ASB18: variants seen among roughly 807,000 people sequenced by gnomAD.
ASB18 encodes the protein ankyrin repeat and SOCS box protein 18.
Under a neutral mutation model 33.4 loss-of-function variants are expected in ASB18, and 33 were observed. The observed-to-expected ratio is 0.99, with a 90% CI of 0.75 to 1.32. ASB18 has a LOEUF of 1.32. Ranked by LOEUF, ASB18 falls within the 40% of genes most tolerant of loss-of-function variation. ASB18 has a pLI of 0.00. For synonymous variants in ASB18, 295 were observed against 307.6 expected (o/e 0.96, Z 0.43); for missense variants, 694 against 655.5 (o/e 1.06, Z -0.64).
rs1238885608 is a variant in ASB18, at chr2:236,194,179, T to C, written c.*693A>G. On this transcript the variant is annotated 3_prime_UTR_variant, in exon 6 of 6. Coordinates refer to ENST00000409749, the MANE Select transcript of ASB18 (RefSeq NM_212556.4). The surrounding 1 kb of genome is among the most constrained non-coding windows in gnomAD (Gnocchi z 4.5). The stretch of plus-strand genomic sequence containing the variant: ...ATAAATGATGCGGTATGAGAGGGCC[T>C]AGCAAGCCTGCCACATTGGTGACTG... Among the ~76,000 whole-genome samples the C allele has an allele frequency of 6.6e-6, 1 of 152,220 alleles. No homozygotes were observed.
At chr2:236,230,328 A>G (rs2060558461) in intron 3 of ASB18, among the ~76,000 whole-genome samples, 1 of 150,874 alleles carries the variant, frequency 6.6e-6, no homozygotes, top group African/African-American at 2.4e-5. Flanking sequence ...ACCCATTACC[A>G]TTAGACATAC....
rs1309607559 is a variant in ASB18, at chr2:236,195,186, A to C, written c.1216-129T>G. 9 of 811,350 alleles carry C rather than the reference A, an allele frequency of 1.1e-5. No individual in the cohort carries two copies. Among genetic ancestry groups the C allele is most frequent in the Non-Finnish European group, 7.8e-6 (4 of 515,962 alleles). The allele number at this position is 811,350 out of a possible 1,614,324, so 50.3% of individuals were successfully genotyped here. A position where few individuals can be genotyped will look rare whatever the true frequency, so the allele number is the denominator to read the frequency against. On this transcript the variant is annotated intron_variant, in intron 5 of 5. Transcript: ENST00000409749. The surrounding 1 kb of genome is among the most constrained non-coding windows in gnomAD (Gnocchi z 5.5). ...AACTGATCCCAGATAAGCGCACTGG[A>C]GGGAGACGCACCATCTTGTGGGAAC...
rs536379229 is a variant in ASB18 at position 236,225,311 on chromosome 2, C to T, written c.597-10445G>A. 6.6e-6 allele frequency among the ~76,000 whole-genome samples: 1 copy of T among 151,982 alleles called. No homozygotes were observed. The highest frequency in any genetic ancestry group is 1.5e-5 in the Non-Finnish European group (1 of 68,002). ...TAATTTTTGCAGAGATGGGGTCTCA[C>T]TATGTTGCCCAGGCTGGTCTCAAAC... On this transcript the variant is annotated intron_variant, in intron 3 of 5. Coordinates refer to ENST00000409749, the MANE Select transcript of ASB18 (RefSeq NM_212556.4). The surrounding 1 kb of genome is among the most constrained non-coding windows in gnomAD (Gnocchi z 5.1).
rs965912722 is a variant in ASB18, at chr2:236,262,248, G to A, written c.205+1893C>T. Among the ~76,000 whole-genome samples the A allele has an allele frequency of 6.6e-6, 1 of 152,242 alleles. No individual in the cohort carries two copies. The highest frequency in any genetic ancestry group is 1.5e-5 in the Non-Finnish European group (1 of 68,038). ...GTTTATGAAGGAAGAGCTGTTGAGAGGACGCTTGCTGTAGTCAGGATCCCA... is the reference window on the plus strand; with the variant it reads ...GTTTATGAAGGAAGAGCTGTTGAGAAGACGCTTGCTGTAGTCAGGATCCCA... On this transcript the variant is annotated intron_variant, in intron 1 of 5. Transcript: ENST00000409749. The surrounding 1 kb of genome is among the most constrained non-coding windows in gnomAD (Gnocchi z 5.2).
rs1421578625 is a variant in ASB18 at position 236,260,641 on chromosome 2, AG to A, written c.205+3499del. 6.6e-6 allele frequency among the ~76,000 whole-genome samples: 1 copy of A among 152,192 alleles called. No homozygotes were observed. The highest frequency in any genetic ancestry group is 1.5e-5 in the Non-Finnish European group (1 of 68,030). On this transcript the variant is annotated intron_variant, in intron 1 of 5. Transcript: ENST00000409749. This position sits in a 1 kb window ranked among gnomAD's most constrained non-coding sequence, Gnocchi z 5.1. ...GGATTATGGCCTCAGAGAAGCATGG[AG>A]AAGGAGGGAACCTAAACGATGAACC...
chr2:236,252,086 C>T lies in ASB18; in HGVS notation c.206-10684G>A, dbSNP rs555612746. Among the ~76,000 whole-genome samples the T allele has an allele frequency of 6.6e-6, 1 of 152,234 alleles. No individual in the cohort carries two copies. The highest frequency in any genetic ancestry group is 1.5e-5 in the Non-Finnish European group (1 of 68,016). On this transcript the variant is annotated intron_variant, in intron 1 of 5. Coordinates refer to ENST00000409749, the MANE Select transcript of ASB18 (RefSeq NM_212556.4). The surrounding 1 kb of genome is among the most constrained non-coding windows in gnomAD (Gnocchi z 7.9). ...AGGAGTTCCAGACCAGGCTGACCAA[C>T]AGGGTAAAACCCCGTCTCTACTAAA...
rs941605367 is a variant in ASB18 at position 236,259,260 on chromosome 2, A to C, written c.205+4881T>G. Among the ~76,000 whole-genome samples the C allele has an allele frequency of 6.6e-6, 1 of 152,228 alleles. No homozygotes were observed. The highest frequency in any genetic ancestry group is 2.4e-5 in the African/African-American group (1 of 41,462). ...GTCTGTGGAAATGCAGTCTGTGCCC[A>C]CCCAGCTGAAGGTGAGCAAAGGAGC... On this transcript the variant is annotated intron_variant, in intron 1 of 5. Coordinates refer to ENST00000409749, the MANE Select transcript of ASB18 (RefSeq NM_212556.4). The surrounding 1 kb of genome is among the most constrained non-coding windows in gnomAD (Gnocchi z 4.4).
Position 236,256,057 on chromosome 2 carries a change from C to G in ASB18, c.205+8084G>C, listed in dbSNP as rs150504779. 2.0e-3 allele frequency among the ~76,000 whole-genome samples: 305 copies of G among 151,674 alleles called. 1 individual carries two copies. Among genetic ancestry groups the G allele is most frequent in the African/African-American group, 7.2e-3 (299 of 41,354 alleles). On this transcript the variant is annotated intron_variant, in intron 1 of 5. Transcript: ENST00000409749. This position sits in a 1 kb window ranked among gnomAD's most constrained non-coding sequence, Gnocchi z 4.7. The stretch of plus-strand genomic sequence containing the variant: ...ATGTATTCATTTGTTTTTTGGAGAC[C>G]GGCTCTCACTGTTGCCAGGTTGGAG...
intron 4 of ASB18, among the ~76,000 whole-genome samples, chr2:236,206,948 A>G (rs10929170): frequency 0.17 from 26,161 of 152,138 alleles, 2,268 homozygotes; most frequent in South Asian, 0.25. Flanking sequence ...GAAGGGAGGG[A>G]CTGTCTGGTG....
chr2:236,238,511 G>C lies in ASB18; in HGVS notation c.329-555C>G, dbSNP rs952166226. On this transcript the variant is annotated intron_variant, in intron 2 of 5. Coordinates refer to ENST00000409749, the MANE Select transcript of ASB18 (RefSeq NM_212556.4). This position sits in a 1 kb window ranked among gnomAD's most constrained non-coding sequence, Gnocchi z 5.2. ...TGTTCAAGAAAAGGACTCAGAGAAA[G>C]TTTAGCTCTCTTGCAAGTGGCTGAG... 1.4e-4 allele frequency among the ~76,000 whole-genome samples: 22 copies of C among 152,280 alleles called. No homozygotes were observed. In the East Asian group the frequency reaches 3.1e-3, roughly 21 times the overall value.
Position 236,216,005 on chromosome 2 carries a change from G to A in ASB18, c.597-1139C>T, listed in dbSNP as rs1377845142. Among the ~76,000 whole-genome samples the A allele has an allele frequency of 6.6e-6, 1 of 152,052 alleles. No individual in the cohort carries two copies. The highest frequency in any genetic ancestry group is 2.4e-5 in the African/African-American group (1 of 41,406). ...CTTCCTGGCTTCAGTTCCTTTCCTG[G>A]GCAGCACTGTGGTCACCTCGTCATC... is the stretch of plus-strand genomic sequence containing the variant. On this transcript the variant is annotated intron_variant, in intron 3 of 5. Coordinates refer to ENST00000409749, the MANE Select transcript of ASB18 (RefSeq NM_212556.4). The surrounding 1 kb of genome is among the most constrained non-coding windows in gnomAD (Gnocchi z 6.1).
rs1163073384 is a variant in ASB18, at chr2:236,256,466, G to C, written c.205+7675C>G. Among the ~76,000 whole-genome samples, 2 of 152,184 alleles carry C rather than the reference G, an allele frequency of 1.3e-5. No individual in the cohort carries two copies. The highest frequency in any genetic ancestry group is 6.5e-5 in the Admixed American group (1 of 15,274). ...TGGGAAGCTAGAATCAGGCTACAGA[G>C]AGCATGCCTGCCATTTCCAATTAGT... On this transcript the variant is annotated intron_variant, in intron 1 of 5. Transcript: ENST00000409749. This position sits in a 1 kb window ranked among gnomAD's most constrained non-coding sequence, Gnocchi z 4.7.
At position 236,221,341 on chromosome 2, in the gene ASB18, G is replaced by GTAA. The variant is rs1179320144; in HGVS notation, c.597-6478_597-6476dup. ...GACATTGCTTCTGAACATTTTGTTAGTAATGTTAAACATCTCATATGGTTT... is the reference window on the plus strand; with the variant it reads ...GACATTGCTTCTGAACATTTTGTTAGTAATAATGTTAAACATCTCATATGGTTT... On this transcript the variant is annotated intron_variant, in intron 3 of 5. Coordinates refer to ENST00000409749, the MANE Select transcript of ASB18 (RefSeq NM_212556.4). The surrounding 1 kb of genome is among the most constrained non-coding windows in gnomAD (Gnocchi z 5.6). 6.6e-6 allele frequency among the ~76,000 whole-genome samples: 1 copy of GTAA among 152,224 alleles called. No individual in the cohort carries two copies. Among genetic ancestry groups the GTAA allele is most frequent in the Non-Finnish European group, 1.5e-5 (1 of 68,044 alleles).
In ASB18 at chr2:236,244,079, G is replaced by A. The variant is rs1167065781; in HGVS notation, c.206-2677C>T. On this transcript the variant is annotated intron_variant, in intron 1 of 5. Coordinates refer to ENST00000409749, the MANE Select transcript of ASB18 (RefSeq NM_212556.4). This position sits in a 1 kb window ranked among gnomAD's most constrained non-coding sequence, Gnocchi z 6.1. Reference sequence around the variant, plus strand: ...TGACCTCAGGTGATCTGCCCACTTCGGCCTCCCAAGTGCTGGGATTACAGG... The same window carrying A: ...TGACCTCAGGTGATCTGCCCACTTCAGCCTCCCAAGTGCTGGGATTACAGG... Among the ~76,000 whole-genome samples, 3 of 152,134 alleles carry A rather than the reference G, an allele frequency of 2.0e-5. No homozygotes were observed. The highest frequency in any genetic ancestry group is 4.8e-5 in the African/African-American group (2 of 41,436).
chr2:236,262,579 G>T lies in ASB18; in HGVS notation c.205+1562C>A, dbSNP rs1179786843. On this transcript the variant is annotated intron_variant, in intron 1 of 5. Coordinates refer to ENST00000409749, the MANE Select transcript of ASB18 (RefSeq NM_212556.4). The surrounding 1 kb of genome is among the most constrained non-coding windows in gnomAD (Gnocchi z 5.2). ...CCAGAGGGCAAGTGGGACTGATGCA[G>T]TTTGCAGAGATCAGCCTCGGGGGGG... Among the ~76,000 whole-genome samples, 1 of 152,246 alleles carries T rather than the reference G, an allele frequency of 6.6e-6. No homozygotes were observed. Among genetic ancestry groups the T allele is most frequent in the Admixed American group, 6.5e-5 (1 of 15,288 alleles).
rs2060697131 is a variant in ASB18, at chr2:236,257,348, GAGCAGTCAAGAC to G, written c.205+6781_205+6792del. Among the ~76,000 whole-genome samples the G allele has an allele frequency of 2.6e-5, 4 of 152,290 alleles. No homozygotes were observed. In the South Asian group the frequency reaches 8.3e-4, roughly 32 times the overall value. On this transcript the variant is annotated intron_variant, in intron 1 of 5. Coordinates refer to ENST00000409749, the MANE Select transcript of ASB18 (RefSeq NM_212556.4). This position sits in a 1 kb window ranked among gnomAD's most constrained non-coding sequence, Gnocchi z 5.5. ...CTGCCCCCACGCTCTCTGGTGGAGT[GAGCAGTCAAGAC>G]AGCAGAGCGCTTCTCCTCCTGCCTG...
chr2:236,211,346 C>T lies in ASB18; in HGVS notation c.1101+3016G>A, dbSNP rs1428414823. Among the ~76,000 whole-genome samples, 3 of 152,228 alleles carry T rather than the reference C, an allele frequency of 2.0e-5. No individual in the cohort carries two copies. The highest frequency in any genetic ancestry group is 4.4e-5 in the Non-Finnish European group (3 of 68,048). ...CTGGCACTGTCAACACGTGGGCTTCCGAAGCCGTGACACTACTTTGATTCT... is the reference window on the plus strand; with the variant it reads ...CTGGCACTGTCAACACGTGGGCTTCTGAAGCCGTGACACTACTTTGATTCT... On this transcript the variant is annotated intron_variant, in intron 4 of 5. Transcript: ENST00000409749. The surrounding 1 kb of genome is among the most constrained non-coding windows in gnomAD (Gnocchi z 5.0).
chr2:236,241,730 C>T lies in ASB18; in HGVS notation c.206-328G>A, dbSNP rs1576408504. Among the ~76,000 whole-genome samples the T allele has an allele frequency of 6.6e-6, 1 of 152,284 alleles. No homozygotes were observed. Among genetic ancestry groups the T allele is most frequent in the Admixed American group, 6.5e-5 (1 of 15,294 alleles). On this transcript the variant is annotated intron_variant, in intron 1 of 5. Coordinates refer to ENST00000409749, the MANE Select transcript of ASB18 (RefSeq NM_212556.4). The surrounding 1 kb of genome is among the most constrained non-coding windows in gnomAD (Gnocchi z 4.2). ...TGGGATGCCGCAGTACTCAGCCACC[C>T]TCTTTGTGATGATACAGATGCTAAC...
chr2:236,207,084 T>C (rs543968448), intron 4 of ASB18, among the ~76,000 whole-genome samples: 1 of 152,216 alleles, frequency 6.6e-6, no homozygotes, highest in Non-Finnish European at 1.5e-5. Flanking sequence ...TCCCATTGGC[T>C]GAGTCCGACT....
Sources: gnomAD v4.1 joint callset for allele counts (sites outside exome capture counted in the v4.1 genomes callset) on GRCh38, gnomAD v4.1.1 for gene constraint, Gnocchi (gnomAD v3.1) non-coding constraint, MANE v1.5 for transcripts, NCBI Gene and HGNC (gene_info 2026-07-23, HGNC 2026-07-21) for gene names.